The following SPATA31A6 variants were observed in gnomAD, a reference collection of about 807,000 sequenced individuals.
SPATA31A6 encodes spermatogenesis-associated protein 31A6.
A neutral mutation model predicts 11.9 loss-of-function variants in SPATA31A6; 9 were observed. The ratio of observed to expected loss-of-function variants is 0.76; its 90% CI spans 0.46 to 1.32. The LOEUF (loss-of-function observed/expected upper bound fraction) is 1.32, where lower values mean the gene tolerates loss of function less well. SPATA31A6 is among the 40% of genes most tolerant of loss of function. The pLI is 0.00. For synonymous variants in SPATA31A6, 314 were observed against 572.1 expected (o/e 0.55, Z 6.44); for missense variants, 855 against 1,467.3 (o/e 0.58, Z 6.82).
Position 42,185,907 on chromosome 9 carries a change from G to A in SPATA31A6, c.309-104G>A, listed in dbSNP as rs1377059778. On this transcript the variant is annotated intron_variant, in intron 3 of 3. Transcript: ENST00000332857. ...GGGCGAGGGGTAGCAGGAGAATTGG[G>A]CAATCAGGGTGTGGGATGGTGGAGG... The A allele has an allele frequency of 7.9e-5, 118 of 1,490,448 alleles. 18 individuals are homozygous for A. The highest frequency in any genetic ancestry group is 4.9e-4 in the Middle Eastern group (2 of 4,122). 92.3% of individuals were successfully genotyped at this position (1,490,448 alleles called of 1,614,324 possible).
In SPATA31A6 at chr9:42,187,160, G is replaced by T. The variant is rs754925434; in HGVS notation, c.1458G>T (p.Leu486=). The T allele has an allele frequency of 3.9e-6, 6 of 1,542,726 alleles. 1 individual carries two copies. In the East Asian group the frequency reaches 9.6e-5, roughly 25 times the overall value. Residue 486 remains leucine, a synonymous_variant, in exon 4 of 4, where the codon CTG becomes CTT. Transcript: ENST00000332857. ...QPFISSTPQF[L]PTPMAQAEAQ... ...TTATTTCATCCACACCCCAATTCCT[G>T]CCCACACCTATGGCTCAGGCCGAGG...
Position 42,186,805 on chromosome 9 carries a change from A to G in SPATA31A6, c.1103A>G (p.Lys368Arg). Residue 368 changes from lysine (K) to arginine (R), a missense_variant, in exon 4 of 4, where the codon AAA becomes AGA. By Grantham distance (26) the Lys-to-Arg change is conservative. Transcript: ENST00000332857. ...TTAAATTCTTTGGGGAATTTGGCTA[A>G]ATCATTGGATGCTGAGCAGGACACC... is the stretch of plus-strand genomic sequence containing the variant. Reference protein sequence around the residue: ...KHLNSLGNLAKSLDAEQDTTN... With the variant: ...KHLNSLGNLARSLDAEQDTTN... 3.3e-6 allele frequency: 5 copies of G among 1,534,332 alleles called. No individual in the cohort carries two copies. Among genetic ancestry groups the G allele is most frequent in the Non-Finnish European group, 4.4e-6 (5 of 1,141,896 alleles).
In SPATA31A6 at chr9:42,183,763, T is replaced by G; in HGVS notation, c.76T>G (p.Leu26Val). Residue 26 changes from leucine to valine, a missense_variant, in exon 1 of 4, where the codon TTG becomes GTG. Physicochemically the swap from Leu to Val is conservative, Grantham distance 32 (BLOSUM62 1). Coordinates refer to ENST00000332857, the MANE Select transcript of SPATA31A6 (RefSeq NM_001145196.1). ...CGCCCCCAGCTCCACACCATGGGTGTTGGATATCTTCCTCACCTTGGTGTT... is the reference window on the plus strand; with the variant it reads ...CGCCCCCAGCTCCACACCATGGGTGGTGGATATCTTCCTCACCTTGGTGTT... ...LNAPSSTPWV[L>V]DIFLTLVFAL... 2 of 1,535,980 alleles carry G rather than the reference T, an allele frequency of 1.3e-6. No individual in the cohort carries two copies. Among genetic ancestry groups the G allele is most frequent in the Admixed American group, 3.5e-5 (2 of 56,424 alleles).
Position 42,189,265 on chromosome 9 carries a change from C to G in SPATA31A6, c.3563C>G (p.Thr1188Arg), listed in dbSNP as rs1407164789. ...PAPVTAESQKTVKNRSCVYSS... is the reference protein window; with the variant it reads ...PAPVTAESQKRVKNRSCVYSS... ...CCAGTCACTGCTGAGAGCCAAAAAA[C>G]AGTAAAAAACAGATCATGTGTGTAC... Residue 1188 changes from threonine to arginine, a missense_variant, in exon 4 of 4, where the codon ACA (threonine) becomes AGA (arginine). Physicochemically the swap from Thr to Arg is moderately conservative, Grantham distance 71. Coordinates refer to ENST00000332857, the MANE Select transcript of SPATA31A6 (RefSeq NM_001145196.1). 31 of 1,561,032 alleles carry G rather than the reference C, an allele frequency of 2.0e-5. 8 individuals are homozygous for G. In the African/African-American group the frequency reaches 4.7e-4, roughly 24 times the overall value.
chr9:42,183,813 A>C lies in SPATA31A6; in HGVS notation c.126A>C (p.Leu42Phe), dbSNP rs770453017. 2 of 1,531,112 alleles carry C rather than the reference A, an allele frequency of 1.3e-6. No homozygotes were observed. Among genetic ancestry groups the C allele is most frequent in the Non-Finnish European group, 1.8e-6 (2 of 1,137,078 alleles). 94.8% of individuals were successfully genotyped at this position (1,531,112 alleles called of 1,614,324 possible). Reference protein sequence around the residue: ...LVFALGFFFLLLPYLSYFHCD... With the variant: ...LVFALGFFFLFLPYLSYFHCD... ...TTGCCCTGGGGTTCTTCTTCCTATT[A>C]CTCCCCTACTTATCTTACTTCCATT... The change falls in exon 1 of 4, where the codon TTA (leucine) becomes TTC (phenylalanine). Residue 42 changes from leucine to phenylalanine, a missense_variant. By Grantham distance (22) the Leu-to-Phe change is conservative. Transcript: ENST00000332857.
In SPATA31A6 at chr9:42,187,716, G is replaced by T; in HGVS notation, c.2014G>T (p.Gly672Cys). 3 of 1,519,200 alleles carry T rather than the reference G, an allele frequency of 2.0e-6. 1 individual carries two copies. Among genetic ancestry groups the T allele is most frequent in the South Asian group, 2.3e-5 (2 of 85,624 alleles). The allele number at this position is 1,519,200 out of a possible 1,614,324, so 94.1% of individuals were successfully genotyped here. ...GTGCCCACATCTGGGGCAAATTCTG[G>T]GTGAGACCCCACAAAATCTATCCAG... is the stretch of plus-strand genomic sequence containing the variant. ...DLCPHLGQIL[G>C]ETPQNLSRDM... is the part of the protein sequence containing the mutation. Residue 672 changes from glycine to cysteine, a missense_variant, in exon 4 of 4, where the codon GGT becomes TGT. Physicochemically the swap from Gly to Cys is radical, Grantham distance 159. Coordinates refer to ENST00000332857, the MANE Select transcript of SPATA31A6 (RefSeq NM_001145196.1).
rs568073464 is a variant in SPATA31A6 at position 42,186,993 on chromosome 9, G to T, written c.1291G>T (p.Ala431Ser). The change falls in exon 4 of 4, where the codon GCC becomes TCC. Residue 431 changes from alanine to serine, a missense_variant. Transcript: ENST00000332857. ...GCACAGCGAGTCCCTGGTGGCTAAC[G>T]CCTGGGTAACTGACAGGTCTTATAC... is the stretch of plus-strand genomic sequence containing the variant. ...SLHSESLVANAWVTDRSYTLQ... is the reference protein window; with the variant it reads ...SLHSESLVANSWVTDRSYTLQ... 2.5e-5 allele frequency: 39 copies of T among 1,546,062 alleles called. 6 individuals carry two copies. The East Asian group carries it at 8.6e-4, about 34-fold the overall frequency.
At position 42,186,971 on chromosome 9, in the gene SPATA31A6, C is replaced by T. The variant is rs1264245347; in HGVS notation, c.1269C>T (p.His423=). 1.3e-6 allele frequency: 2 copies of T among 1,544,850 alleles called. No homozygotes were observed. The highest frequency in any genetic ancestry group is 2.4e-5 in the East Asian group (1 of 42,034). Residue 423 remains histidine, a synonymous_variant, in exon 4 of 4, where the codon CAC becomes CAT. Coordinates refer to ENST00000332857, the MANE Select transcript of SPATA31A6 (RefSeq NM_001145196.1). The stretch of plus-strand genomic sequence containing the variant: ...TTTTCTGGGGCCTCCCCTCTCTGCA[C>T]AGCGAGTCCCTGGTGGCTAACGCCT... ...SQLFWGLPSL[H]SESLVANAWV...
chr9:42,184,465 GTGTGTGT>G (rs1829404974), intron 1 of SPATA31A6, among the ~76,000 whole-genome samples: 1 of 133,124 alleles, frequency 7.5e-6, no homozygotes, highest in African/African-American at 3.1e-5. Flanking sequence ...GTGTGTGTGT[GTGTGTGT>G]GTGTGTGTGT....
In SPATA31A6 at chr9:42,186,669, G is replaced by T. The variant is rs779828363; in HGVS notation, c.967G>T (p.Asp323Tyr). The change falls in exon 4 of 4, where the codon GAT (aspartate) becomes TAT (tyrosine). Residue 323 changes from aspartate (D) to tyrosine (Y), a missense_variant. Transcript: ENST00000332857. Reference protein sequence around the residue: ...EAGSLFLLSSDGQNVVGIQVT... With the variant: ...EAGSLFLLSSYGQNVVGIQVT... ...TGGTAGCCTGTTTTTGCTCAGCTCT[G>T]ATGGCCAGAATGTCGTGGGGATACA... 20 of 1,532,122 alleles carry T rather than the reference G, an allele frequency of 1.3e-5. 3 individuals carry two copies. In the Admixed American group the frequency reaches 2.1e-4, roughly 16 times the overall value. The allele number at this position is 1,532,122 out of a possible 1,614,324, so 94.9% of individuals were successfully genotyped here.
chr9:42,185,974 G>T lies in SPATA31A6; in HGVS notation c.309-37G>T, dbSNP rs1829439026. 1.4e-6 allele frequency: 2 copies of T among 1,427,672 alleles called. 1 individual carries two copies. The highest frequency in any genetic ancestry group is 3.5e-5 in the African/African-American group (2 of 57,154). 88.4% of individuals were successfully genotyped at this position (1,427,672 alleles called of 1,614,324 possible). A position where few individuals can be genotyped will look rare whatever the true frequency, so the allele number is the denominator to read the frequency against. On this transcript the variant is annotated intron_variant, in intron 3 of 3. Transcript: ENST00000332857. Reference sequence around the variant, plus strand: ...CCCACTCTGCCCTCCGGCCCCACCGGCTCCTGGCTGCAGCTCGTGCCTCCT... The same window carrying T: ...CCCACTCTGCCCTCCGGCCCCACCGTCTCCTGGCTGCAGCTCGTGCCTCCT...
rs776297346 is a variant in SPATA31A6, at chr9:42,186,869, G to A, written c.1167G>A (p.Ser389=). The A allele has an allele frequency of 7.6e-5, 116 of 1,536,424 alleles. 4 individuals are homozygous for A. Among genetic ancestry groups the A allele is most frequent in the Middle Eastern group, 7.0e-4 (3 of 4,276 alleles). ...PKPFWNMGEN[S]KQLPGPQKCS... is the part of the protein sequence containing the mutation. ...CCTTCTGGAACATGGGAGAGAACTC[G>A]AAACAGCTGCCCGGACCTCAGAAGT... is the stretch of plus-strand genomic sequence containing the variant. The change falls in exon 4 of 4, where the codon TCG becomes TCA. Residue 389 remains serine (S), a synonymous_variant. Transcript: ENST00000332857.
At position 42,183,857 on chromosome 9, in the gene SPATA31A6, C is replaced by T. The variant is rs1391483180; in HGVS notation, c.170C>T (p.Pro57Leu). 3.9e-6 allele frequency: 6 copies of T among 1,532,044 alleles called. 2 individuals are homozygous for T. In the East Asian group the frequency reaches 7.2e-5, roughly 18 times the overall value. The allele number at this position is 1,532,044 out of a possible 1,614,324, so 94.9% of individuals were successfully genotyped here. A position where few individuals can be genotyped will look rare whatever the true frequency, so the allele number is the denominator to read the frequency against. The change falls in exon 1 of 4, where the codon CCA becomes CTA. Residue 57 changes from proline (P) to leucine (L), a missense_variant. Transcript: ENST00000332857. ...SYFHCDDPPS[P>L]SPGKRKCPVG... The stretch of plus-strand genomic sequence containing the variant: ...TTCCATTGTGATGACCCACCCTCAC[C>T]ATCGCCTGGGAAGAGAAAGGTAAGG...
rs1284952759 is a variant in SPATA31A6, at chr9:42,183,890, A to G, written c.189+14A>G. On this transcript the variant is annotated intron_variant, in intron 1 of 3. Coordinates refer to ENST00000332857, the MANE Select transcript of SPATA31A6 (RefSeq NM_001145196.1). ...GGGAAGAGAAAGGTAAGGAACCCTC[A>G]GTCCCGACCCACAGAGCTTGATTCT... 3.9e-6 allele frequency: 6 copies of G among 1,528,828 alleles called. 2 individuals carry two copies. Among genetic ancestry groups the G allele is most frequent in the Non-Finnish European group, 5.3e-6 (6 of 1,136,662 alleles). The allele number at this position is 1,528,828 out of a possible 1,614,324, so 94.7% of individuals were successfully genotyped here.
Position 42,187,230 on chromosome 9 carries a change from T to A in SPATA31A6, c.1528T>A (p.Phe510Ile), listed in dbSNP as rs976697670. 6.5e-7 allele frequency: 1 copy of A among 1,543,054 alleles called. No homozygotes were observed. The highest frequency in any genetic ancestry group is 8.8e-7 in the Non-Finnish European group (1 of 1,138,196). The stretch of plus-strand genomic sequence containing the variant: ...TTCTTTCCCAGTCCTATCTCCTGCT[T>A]TTCCATCCCTGATTAAGAACACTGG... Reference protein sequence around the residue: ...QSSFPVLSPAFPSLIKNTGVA... With the variant: ...QSSFPVLSPAIPSLIKNTGVA... The change falls in exon 4 of 4, where the codon TTT becomes ATT. Residue 510 changes from phenylalanine to isoleucine, a missense_variant. Transcript: ENST00000332857.
chr9:42,185,408 C>G lies in SPATA31A6; in HGVS notation c.247+282C>G, dbSNP rs1433335890. 6 of 639,684 alleles carry G rather than the reference C, an allele frequency of 9.4e-6. No individual in the cohort carries two copies. The African/African-American group carries it at 1.3e-4, about 13-fold the overall frequency. The allele number at this position is 639,684 out of a possible 1,614,324, so 39.6% of individuals were successfully genotyped here. On this transcript the variant is annotated intron_variant, in intron 2 of 3. Coordinates refer to ENST00000332857, the MANE Select transcript of SPATA31A6 (RefSeq NM_001145196.1). ...CCGCTCCCTGGGAACAGCTGTCCAA[C>G]TCTGCTAAGGCTGATTCCTCTTTGA...
In SPATA31A6 at chr9:42,186,934, A is replaced by G; in HGVS notation, c.1232A>G (p.Asn411Ser). ...CTCTTGCAGGAAAGTTTTTGGAAGA[A>G]TTATAGCCAGCTTTTCTGGGGCCTC... ...PRLLQESFWK[N>S]YSQLFWGLPS... Residue 411 changes from asparagine (N) to serine (S), a missense_variant, in exon 4 of 4, where the codon AAT (asparagine) becomes AGT (serine). By Grantham distance (46) the Asn-to-Ser change is conservative. Coordinates refer to ENST00000332857, the MANE Select transcript of SPATA31A6 (RefSeq NM_001145196.1). 1 of 1,541,824 alleles carries G rather than the reference A, an allele frequency of 6.5e-7. No homozygotes were observed. The highest frequency in any genetic ancestry group is 1.1e-5 in the South Asian group (1 of 87,436).
rs1178882029 is a variant in SPATA31A6, at chr9:42,189,567, A to G, written c.3865A>G (p.Ser1289Gly). Residue 1289 changes from serine (S) to glycine (G), a missense_variant, in exon 4 of 4, where the codon AGT becomes GGT. Coordinates refer to ENST00000332857, the MANE Select transcript of SPATA31A6 (RefSeq NM_001145196.1). ...AATCAGAAATCAACAGCCCTTGAAA[A>G]GTGTGCGGTGCAACAATGAGCAATG... ...RQIRNQQPLK[S>G]VRCNNEQWGL... is the part of the protein sequence containing the mutation. 6.4e-7 allele frequency: 1 copy of G among 1,552,070 alleles called. No homozygotes were observed. Among genetic ancestry groups the G allele is most frequent in the Non-Finnish European group, 8.7e-7 (1 of 1,149,598 alleles).
At position 42,183,861 on chromosome 9, in the gene SPATA31A6, G is replaced by T. The variant is rs752352621; in HGVS notation, c.174G>T (p.Ser58=). The T allele has an allele frequency of 5.9e-6, 9 of 1,531,232 alleles. 3 individuals are homozygous for T. Among genetic ancestry groups the T allele is most frequent in the Non-Finnish European group, 6.2e-6 (7 of 1,137,494 alleles). The allele number at this position is 1,531,232 out of a possible 1,614,324, so 94.9% of individuals were successfully genotyped here. ...YFHCDDPPSP[S]PGKRKCPVGR... ...ATTGTGATGACCCACCCTCACCATC[G>T]CCTGGGAAGAGAAAGGTAAGGAACC... The change falls in exon 1 of 4, where the codon TCG becomes TCT. Residue 58 remains serine (S), a synonymous_variant. Coordinates refer to ENST00000332857, the MANE Select transcript of SPATA31A6 (RefSeq NM_001145196.1).
Sources: allele counts gnomAD v4.1 joint callset (sites outside exome capture counted in the v4.1 genomes callset), GRCh38; gene constraint gnomAD v4.1.1; transcripts MANE v1.5; gene names NCBI Gene and HGNC (gene_info 2026-07-23, HGNC 2026-07-21).